The following ZFHX2 variants were observed in gnomAD, a reference collection of about 807,000 sequenced individuals.
The protein encoded by ZFHX2 is zinc finger homeobox 2, also known as zinc finger homeobox protein 2.
In ZFHX2, 75 loss-of-function variants were observed where a neutral mutation model predicts 164.8. The ratio of observed to expected loss-of-function variants is 0.46; its 90% CI spans 0.38 to 0.55. The LOEUF (loss-of-function observed/expected upper bound fraction) is 0.55, where lower values mean the gene tolerates loss of function less well. Ranked by LOEUF, ZFHX2 falls within the 20% of genes least tolerant of loss-of-function variation. ZFHX2 has a pLI of 0.00. For synonymous variants in ZFHX2, 1,217 were observed against 1,351.4 expected, an observed-to-expected ratio of 0.90 and a Z score of 2.18; for missense variants, 2,933 against 3,308.0, an observed-to-expected ratio of 0.89 and a Z score of 2.78.
chr14:23,542,371 C>T (rs1031527778), intron 1 of ZFHX2: 10 of 151,546 alleles, frequency 6.6e-5, no homozygotes, highest in African/African-American at 1.7e-4. Flanking sequence ...AAACCACACA[C>T]GTTCACATTT....
chr14:23,529,685 T>G (rs762224574), intron 6 of ZFHX2, 25 bp downstream of exon 6: 2 of 1,534,864 alleles, frequency 1.3e-6, no homozygotes, highest in South Asian at 1.2e-5. Flanking sequence ...CCACTTCAGC[T>G]CTTCCCAGTT....
chr14:23,549,898 A>C (rs1307319592), intron 1 of ZFHX2, among the ~76,000 whole-genome samples: 3 of 152,252 alleles, frequency 2.0e-5, no homozygotes, highest in Non-Finnish European at 4.4e-5. Context: ...GAAAAGGGAT[A>C]AAAGAAACTA....
At position 23,534,351 on chromosome 14, in the gene ZFHX2, G is replaced by A. The variant is rs1163304785; in HGVS notation, c.975C>T (p.Pro325=). Residue 325 remains proline (P), a synonymous_variant, in exon 2 of 10, where the codon CCC becomes CCT. Transcript: ENST00000419474. This position sits in a 1 kb window ranked among gnomAD's most constrained non-coding sequence, Gnocchi z 4.5. ...EANVAQTEDG[P]PEAEVQALIL... Reference sequence around the variant, plus strand: ...TAAGGGCCTGGACTTCTGCCTCAGGGGGGCCATCCTCTGTCTGGGCCACAT... The same window carrying A: ...TAAGGGCCTGGACTTCTGCCTCAGGAGGGCCATCCTCTGTCTGGGCCACAT... The A allele has an allele frequency of 6.5e-7, 1 of 1,536,702 alleles. No homozygotes were observed. Among genetic ancestry groups the A allele is most frequent in the South Asian group, 1.2e-5 (1 of 84,062 alleles).
rs1223121259 is a variant in ZFHX2 at position 23,534,308 on chromosome 14, C to T, written c.1018G>A (p.Val340Ile). 2 of 1,535,644 alleles carry T rather than the reference C, an allele frequency of 1.3e-6. No individual in the cohort carries two copies. The highest frequency in any genetic ancestry group is 1.7e-6 in the Non-Finnish European group (2 of 1,146,332). ...GGAGAGGGTGGGCTGAGGGCCATAA[C>T]TTCTTCATCCAGGAGGATAAGGGCC... ...VQALILLDEEVMALSPPSPPT... is the reference protein window; with the variant it reads ...VQALILLDEEIMALSPPSPPT... Residue 340 changes from valine (V) to isoleucine (I), a missense_variant, in exon 2 of 10, where the codon GTT becomes ATT. Transcript: ENST00000419474. The surrounding 1 kb of genome is among the most constrained non-coding windows in gnomAD (Gnocchi z 4.5).
upstream of ZFHX2, among the ~76,000 whole-genome samples, chr14:23,552,959 A>G (rs983437177): frequency 6.6e-6 from 1 of 152,196 alleles, no homozygotes; most frequent in Non-Finnish European, 1.5e-5. Flanking sequence ...GACAGTTCCA[A>G]GCACTTTTAC....
At chr14:23,527,580 C>T (rs1413581921) in intron 7 of ZFHX2, 24 bp downstream of exon 7, 20 of 1,536,134 alleles carry the variant, frequency 1.3e-5, no homozygotes, top group South Asian at 3.6e-5. Context: ...CTTGTTGTAC[C>T]GTCCTCACCC....
In ZFHX2 at chr14:23,533,928, C is replaced by G. The variant is rs1307929054; in HGVS notation, c.1398G>C (p.Gln466His). 1 of 1,537,966 alleles carries G rather than the reference C, an allele frequency of 6.5e-7. No homozygotes were observed. The highest frequency in any genetic ancestry group is 1.4e-5 in the African/African-American group (1 of 73,066). The change falls in exon 2 of 10, where the codon CAG becomes CAC. Residue 466 changes from glutamine (Q) to histidine (H), a missense_variant. By Grantham distance (24) the Gln-to-His change is conservative (BLOSUM62 0). Transcript: ENST00000419474. This position sits in a 1 kb window ranked among gnomAD's most constrained non-coding sequence, Gnocchi z 4.8. The part of the protein sequence containing the change: ...PKCNWHYKYQ[Q>H]TLDVHMREKH... The stretch of plus-strand genomic sequence containing the variant: ...TCTCTCGCATGTGCACATCCAGGGT[C>G]TGCTGGTACTTGTAGTGCCAGTTGC...
At position 23,549,954 on chromosome 14, in the gene ZFHX2, A is replaced by G. The variant is rs146283627; in HGVS notation, c.-50+1389T>C. Among the ~76,000 whole-genome samples the G allele has an allele frequency of 5.2e-3, 791 of 152,310 alleles. 6 individuals carry two copies. Among genetic ancestry groups the G allele is most frequent in the African/African-American group, 0.017 (697 of 41,558 alleles). On this transcript the variant is annotated intron_variant, in intron 1 of 9. Coordinates refer to ENST00000419474, the MANE Select transcript of ZFHX2 (RefSeq NM_033400.3). ...AGAAAAGGTAGGAAGAGGGCAGATT[A>G]TGGGAACAAAGGTGGAAACTCAGAG...
rs1458682550 is a variant in ZFHX2, at chr14:23,535,082, A to T, written c.244T>A (p.Cys82Ser). The change falls in exon 2 of 10, where the codon TGT becomes AGT. Residue 82 changes from cysteine (C) to serine (S), a missense_variant. Coordinates refer to ENST00000419474, the MANE Select transcript of ZFHX2 (RefSeq NM_033400.3). This position sits in a 1 kb window ranked among gnomAD's most constrained non-coding sequence, Gnocchi z 4.5. ...EIGEPQEGPD[C>S]GHFPPNDPGV... ...GGGTCATTTGGTGGGAAGTGACCAC[A>T]GTCAGGCCCTTCCTGGGGCTCCCCA... 6.5e-7 allele frequency: 1 copy of T among 1,536,204 alleles called. No individual in the cohort carries two copies. The highest frequency in any genetic ancestry group is 2.4e-5 in the East Asian group (1 of 40,912).
At chr14:23,553,276 CTG>C (rs1423432280), upstream of ZFHX2, among the ~76,000 whole-genome samples, 6 of 152,218 alleles carry the variant, frequency 3.9e-5, no homozygotes, top group Non-Finnish European at 1.5e-5. Context: ...TCACAGGTAA[CTG>C]TGAGGCAGGC....
In ZFHX2 at chr14:23,528,166, C is replaced by T. The variant is rs1228738214; in HGVS notation, c.2935-362G>A. On this transcript the variant is annotated intron_variant, in intron 6 of 9. Transcript: ENST00000419474. Reference sequence around the variant, plus strand: ...CCAGGTGATCTACTCATCTTGGCTTCCCAAAGTGCTGGGATTACAGGCGTG... The same window carrying T: ...CCAGGTGATCTACTCATCTTGGCTTTCCAAAGTGCTGGGATTACAGGCGTG... Among the ~76,000 whole-genome samples, 3 of 152,304 alleles carry T rather than the reference C, an allele frequency of 2.0e-5. 1 individual carries two copies. The highest frequency in any genetic ancestry group is 6.8e-3 in the Middle Eastern group (2 of 294).
In ZFHX2 at chr14:23,530,205, TG is replaced by T; in HGVS notation, c.2801-12del. On this transcript the variant is annotated splice_polypyrimidine_tract_variant and intron_variant, in intron 4 of 9. Coordinates refer to ENST00000419474, the MANE Select transcript of ZFHX2 (RefSeq NM_033400.3). ...TGACAGGAGCCTTCCCTGTGTAGGA[TG>T]GGGGGAGAGTCAGCTTAAAGAGGTG... The T allele has an allele frequency of 1.3e-6, 2 of 1,522,684 alleles. No homozygotes were observed. The highest frequency in any genetic ancestry group is 8.8e-7 in the Non-Finnish European group (1 of 1,135,870). 94.3% of individuals were successfully genotyped at this position (1,522,684 alleles called of 1,614,324 possible). A position where few individuals can be genotyped will look rare whatever the true frequency, so the allele number is the denominator to read the frequency against.
At chr14:23,541,771 C>CT (rs1480927392) in intron 1 of ZFHX2, among the ~76,000 whole-genome samples, 1 of 152,014 alleles carries the variant, frequency 6.6e-6, no homozygotes, top group Non-Finnish European at 1.5e-5. Context: ...TTCTTTTTTT[C>CT]TTTTTTCCAA....
At chr14:23,552,711 C>T (rs1359841952), upstream of ZFHX2, among the ~76,000 whole-genome samples, 1 of 152,140 alleles carries the variant, frequency 6.6e-6, no homozygotes. Context: ...AAGTGATTCT[C>T]CTGCCTCAGC....
At position 23,532,951 on chromosome 14, in the gene ZFHX2, C is replaced by T; in HGVS notation, c.2175G>A (p.Gln725=). Residue 725 remains glutamine (Q), a synonymous_variant, in exon 3 of 10, where the codon CAG becomes CAA. Coordinates refer to ENST00000419474, the MANE Select transcript of ZFHX2 (RefSeq NM_033400.3). ...GCTCCAGGCTGTCTGTGCTGAAGGC[C>T]TGGCACACTAGGCAGCGGAACACCT... The part of the protein sequence containing the change: ...SLKVFRCLVC[Q]AFSTDSLELL... 1 of 1,536,214 alleles carries T rather than the reference C, an allele frequency of 6.5e-7. No homozygotes were observed.
At chr14:23,531,409 G>T in intron 4 of ZFHX2, 72 bp downstream of exon 4, 1 of 1,331,374 alleles carries the variant, frequency 7.5e-7, no homozygotes, top group Non-Finnish European at 9.6e-7. Flanking sequence ...CTCTAACTCC[G>T]CAGCCCCCCT....
At chr14:23,554,535 C>A (rs1403231375), upstream of ZFHX2, among the ~76,000 whole-genome samples, 3 of 150,246 alleles carry the variant, frequency 2.0e-5, no homozygotes, top group Non-Finnish European at 4.4e-5. Context: ...CACTACCACA[C>A]CCGGCTAATT....
chr14:23,543,784 T>G (rs1881078161), intron 1 of ZFHX2: 1 of 152,156 alleles, frequency 6.6e-6, no homozygotes. Context: ...TGTATCCATA[T>G]TAGCATATGA....
Position 23,525,072 on chromosome 14 carries a change from C to G in ZFHX2, c.4870G>C (p.Glu1624Gln), listed in dbSNP as rs1341245048. The change falls in exon 9 of 10, where the codon GAG becomes CAG. Residue 1624 changes from glutamate (E) to glutamine (Q), a missense_variant. Coordinates refer to ENST00000419474, the MANE Select transcript of ZFHX2 (RefSeq NM_033400.3). This position sits in a 1 kb window ranked among gnomAD's most constrained non-coding sequence, Gnocchi z 5.9. ...FETSAYPKDG[E>Q]VERLASLLGL... is the part of the protein sequence containing the mutation. ...AACAGACTTGCGAGTCGCTCCACCTCTCCGTCTTTGGGGTAGGCGCTAGTC... is the reference window on the plus strand; with the variant it reads ...AACAGACTTGCGAGTCGCTCCACCTGTCCGTCTTTGGGGTAGGCGCTAGTC... The G allele has an allele frequency of 2.6e-6, 4 of 1,536,176 alleles. No individual in the cohort carries two copies. The Admixed American group carries it at 7.8e-5, about 30-fold the overall frequency.
Sources: allele counts gnomAD v4.1 joint callset (sites outside exome capture counted in the v4.1 genomes callset), GRCh38; gene constraint gnomAD v4.1.1; non-coding constraint Gnocchi (gnomAD v3.1); transcripts MANE v1.5; gene names NCBI Gene and HGNC (gene_info 2026-07-23, HGNC 2026-07-21).